Variants in CCDC171 observed in about 807,000 individuals in gnomAD.
The protein encoded by CCDC171 is coiled-coil domain-containing protein 171.
Under a neutral mutation model 168.2 loss-of-function variants are expected in CCDC171, and 177 were observed. The ratio of observed to expected loss-of-function variants is 1.05; its 90% CI spans 0.93 to 1.19. The LOEUF is 1.19. Ranked by LOEUF, CCDC171 falls within the 50% of genes most tolerant of loss-of-function variation. The probability of loss-of-function intolerance (pLI) is 0.00; values close to 1 mark genes in which losing one functional copy is unlikely to be tolerated. For missense variants in CCDC171, 1,991 were observed against 1,539.0 expected, an observed-to-expected ratio of 1.29 and a Z score of -4.91; for synonymous variants, 687 against 540.8, an observed-to-expected ratio of 1.27 and a Z score of -3.75.
At chr9:15,701,654 A>G (rs1419531421) in intron 11 of CCDC171, among the ~76,000 whole-genome samples, 2 of 145,948 alleles carry the variant, frequency 1.4e-5, no homozygotes, top group African/African-American at 2.5e-5. Flanking sequence ...ATCTTGGCTC[A>G]CTGCAACCTC....
At position 15,569,846 on chromosome 9, in the gene CCDC171, C is replaced by CAAAAAAAAA. The variant is rs1314811546; in HGVS notation, c.42-1776_42-1768dup. On this transcript the variant is annotated intron_variant, in intron 2 of 25. Transcript: ENST00000380701. ...AAACAAAAAACAAAAAACAAACAAA[C>CAAAAAAAAA]AAAAAAAAAATTTCTATTTTTCATC... Among the ~76,000 whole-genome samples, 198 of 139,788 alleles carry CAAAAAAAAA rather than the reference C, an allele frequency of 1.4e-3. 1 individual carries two copies. The highest frequency in any genetic ancestry group is 4.6e-3 in the African/African-American group (169 of 37,062). 91.7% of individuals were successfully genotyped at this position (139,788 alleles called of 152,430 possible).
intron 3 of CCDC171, among the ~76,000 whole-genome samples, chr9:15,988,106 C>T (rs1252817468): frequency 6.6e-6 from 1 of 152,094 alleles, no homozygotes; most frequent in Non-Finnish European, 1.5e-5. Context: ...ACCATTAATA[C>T]AGTGAAAAAA....
chr9:15,649,464 C>A (rs1405514237), intron 7 of CCDC171, among the ~76,000 whole-genome samples: 1 of 152,148 alleles, frequency 6.6e-6, no homozygotes, highest in African/African-American at 2.4e-5. Flanking sequence ...AACAGGTAAC[C>A]TACAGAATGG....
At chr9:15,569,806 C>A (rs1026929852) in intron 2 of CCDC171, among the ~76,000 whole-genome samples, 1 of 147,254 alleles carries the variant, frequency 6.8e-6, no homozygotes, top group African/African-American at 2.5e-5. Flanking sequence ...CAGAGCGAGA[C>A]TCCGTCTCAA....
At chr9:15,637,679 C>T (rs1178743042) in intron 7 of CCDC171, among the ~76,000 whole-genome samples, 2 of 138,654 alleles carry the variant, frequency 1.4e-5, no homozygotes, top group Admixed American at 8.3e-5. Flanking sequence ...TCCATGTGAT[C>T]TCATTGTTCA....
chr9:15,756,463 G>T (rs1347904365), intron 18 of CCDC171, among the ~76,000 whole-genome samples: 1 of 151,972 alleles, frequency 6.6e-6, no homozygotes, highest in Non-Finnish European at 1.5e-5. Flanking sequence ...TGAGGTTTGG[G>T]GTACGAATGA....
At chr9:15,748,081 C>A (rs909734288) in intron 18 of CCDC171, among the ~76,000 whole-genome samples, 4 of 152,140 alleles carry the variant, frequency 2.6e-5, no homozygotes. Flanking sequence ...AGCTGCCAGG[C>A]TTCAAATGCA....
At chr9:15,605,451 G>A (rs994612290) in intron 6 of CCDC171, among the ~76,000 whole-genome samples, 1 of 150,522 alleles carries the variant, frequency 6.6e-6, no homozygotes, top group African/African-American at 2.5e-5. Flanking sequence ...AGGCTGAGGC[G>A]GGCAGATCAT....
intron 21 of CCDC171, among the ~76,000 whole-genome samples, chr9:15,829,373 A>G (rs1023664774): frequency 6.6e-6 from 1 of 152,214 alleles, no homozygotes; most frequent in Non-Finnish European, 1.5e-5. Flanking sequence ...AAATTTACAG[A>G]AATTAGGACC....
intron 9 of CCDC171, among the ~76,000 whole-genome samples, chr9:15,675,195 T>TG (rs1002190851): frequency 2.8e-5 from 4 of 144,690 alleles, no homozygotes; most frequent in Admixed American, 6.9e-5. Context: ...CTGTTTTTTT[T>TG]TTTTTTTTTT....
intron 23 of CCDC171, among the ~76,000 whole-genome samples, chr9:15,872,734 T>C (rs563221258): frequency 5.3e-5 from 8 of 151,980 alleles, no homozygotes; most frequent in Non-Finnish European, 8.8e-5. Context: ...TTTAGATCTA[T>C]TGACTGTGGT....
intron 8 of CCDC171, among the ~76,000 whole-genome samples, chr9:15,664,946 A>G (rs1301547237): frequency 6.6e-6 from 1 of 152,000 alleles, no homozygotes; most frequent in Non-Finnish European, 1.5e-5. Flanking sequence ...TGATTTGCCC[A>G]CCTTGGCCTG....
intron 10 of CCDC171, among the ~76,000 whole-genome samples, chr9:15,684,130 A>G (rs533362579): frequency 3.3e-5 from 5 of 152,146 alleles, no homozygotes; most frequent in Admixed American, 3.3e-4. Context: ...ACAAGATATG[A>G]TGAAAAGGTG....
chr9:15,917,496 A>T (rs937296112), intron 24 of CCDC171, among the ~76,000 whole-genome samples: 4 of 151,750 alleles, frequency 2.6e-5, no homozygotes. Flanking sequence ...TGTTATAAAG[A>T]AGTAGTATGT....
chr9:15,755,244 T>A (rs2056026190), intron 18 of CCDC171, among the ~76,000 whole-genome samples: 1 of 152,174 alleles, frequency 6.6e-6, no homozygotes, highest in Non-Finnish European at 1.5e-5. Flanking sequence ...AGCTGGCTAC[T>A]CTACTTTCAG....
rs555443846 is a variant in CCDC171 at position 16,023,262 on chromosome 9, A to G, written n.998+354A>G. 7.9e-5 allele frequency among the ~76,000 whole-genome samples: 12 copies of G among 152,330 alleles called. No homozygotes were observed. In the East Asian group the frequency reaches 2.3e-3, roughly 29 times the overall value. On this transcript the variant is annotated intron_variant and non_coding_transcript_variant, in intron 6 of 9. Coordinates refer to the CCDC171 transcript ENST00000486641. Reference sequence around the variant, plus strand: ...ACATAAAACGTAATCTCTGTGACTCAAATAGATTGATTTATTTATGTTTCT... The same window carrying G: ...ACATAAAACGTAATCTCTGTGACTCGAATAGATTGATTTATTTATGTTTCT...
chr9:15,654,558 C>T (rs1339107391), intron 7 of CCDC171, among the ~76,000 whole-genome samples: 5 of 152,146 alleles, frequency 3.3e-5, no homozygotes, highest in Admixed American at 3.3e-4. Flanking sequence ...ATTTCTATTT[C>T]TTTTCATTGT....
chr9:15,971,176 C>T (rs1831325485), intron 25 of CCDC171, among the ~76,000 whole-genome samples: 1 of 152,062 alleles, frequency 6.6e-6, no homozygotes, highest in Non-Finnish European at 1.5e-5. Flanking sequence ...ATTTAAAAAA[C>T]ATAAATACTC....
chr9:15,985,029 G>C (rs1436323406), intron 3 of CCDC171, among the ~76,000 whole-genome samples: 1 of 152,076 alleles, frequency 6.6e-6, no homozygotes, highest in Non-Finnish European at 1.5e-5. Flanking sequence ...ATATCTACCA[G>C]TGGTAGAATT....
Sources: allele counts gnomAD v4.1 joint callset (sites outside exome capture counted in the v4.1 genomes callset), GRCh38; gene constraint gnomAD v4.1.1; transcripts MANE v1.5; gene names NCBI Gene and HGNC (gene_info 2026-07-23, HGNC 2026-07-21).